The following GRIA3 variants were observed in gnomAD, a reference collection of about 807,000 sequenced individuals.
GRIA3 encodes the protein glutamate receptor 3.
In GRIA3, 3 loss-of-function variants were observed where a neutral mutation model predicts 63.0. That is an observed-to-expected ratio of 0.05 (90% CI 0.02 to 0.12). The LOEUF (loss-of-function observed/expected upper bound fraction) is 0.12. GRIA3 is among the 10% of genes least tolerant of loss of function. GRIA3 has a pLI of 1.00. For missense variants in GRIA3, 347 were observed against 700.9 expected, an observed-to-expected ratio of 0.50 and a Z score of 5.70; for synonymous variants, 274 against 257.9, an observed-to-expected ratio of 1.06 and a Z score of -0.60.
chrX:123,463,825 GAGAA>G (rs771257914), intron 12 of GRIA3, among the ~76,000 whole-genome samples: 1,209 of 109,207 alleles, frequency 0.011, 19 homozygotes, highest in African/African-American at 0.036. Flanking sequence ...GAAAAAGAAA[GAGAA>G]AGAAAGAAAG....
rs543707569 is a variant in GRIA3, at chrX:123,328,303, A to G, written c.696+2090A>G. Among the ~76,000 whole-genome samples, 71 of 112,075 alleles carry G rather than the reference A, an allele frequency of 6.3e-4. 1 individual carries two copies. The South Asian group carries it at 0.026, about 41-fold the overall frequency. ...TACAGAAAAAACAATCATTATTACT[A>G]GACACTTTCAGAAAAACTAAACTAG... On this transcript the variant is annotated intron_variant, in intron 4 of 15. Coordinates refer to ENST00000620443, the MANE Select transcript of GRIA3 (RefSeq NM_007325.5).
At chrX:123,236,850 C>T (rs2044304846) in intron 2 of GRIA3, among the ~76,000 whole-genome samples, 1 of 111,822 alleles carries the variant, frequency 8.9e-6, no homozygotes, top group Admixed American at 9.5e-5. Flanking sequence ...CCAAATTATA[C>T]TGAGTCTGAC....
intron 5 of GRIA3, among the ~76,000 whole-genome samples, chrX:123,377,320 G>A (rs767379351): frequency 8.9e-6 from 1 of 111,871 alleles, no homozygotes; most frequent in African/African-American, 3.2e-5. Context: ...TCCAGAGGCC[G>A]AAGTCTCTTT....
intron 11 of GRIA3, among the ~76,000 whole-genome samples, chrX:123,419,216 T>C (rs1278335024): frequency 9.0e-6 from 1 of 111,181 alleles, no homozygotes; most frequent in East Asian, 2.8e-4. Context: ...AAGACCAGCC[T>C]GGCCAACATG....
chrX:123,336,049 A>G (rs1319954713), intron 4 of GRIA3, among the ~76,000 whole-genome samples: 6 of 112,054 alleles, frequency 5.4e-5, no homozygotes, highest in Non-Finnish European at 9.4e-5. Flanking sequence ...TCTAGATTCT[A>G]ACAGATGCTG....
chrX:123,284,765 C>T lies in GRIA3; in HGVS notation c.508+31223C>T, dbSNP rs1230415180. On this transcript the variant is annotated intron_variant, in intron 3 of 15. Coordinates refer to ENST00000620443, the MANE Select transcript of GRIA3 (RefSeq NM_007325.5). ...ATGGGACTGTGTGAAAAGACTAAAC[C>T]GGCATTTGATTGGTGTACCTCAAAG... Among the ~76,000 whole-genome samples the T allele has an allele frequency of 8.1e-5, 9 of 111,385 alleles. No individual in the cohort carries two copies. In the South Asian group the frequency reaches 1.9e-3, roughly 23 times the overall value.
At chrX:123,356,262 C>T (rs923683408) in intron 5 of GRIA3, among the ~76,000 whole-genome samples, 2 of 110,344 alleles carry the variant, frequency 1.8e-5, no homozygotes, top group Non-Finnish European at 3.8e-5. Context: ...TTCTTTCCTT[C>T]CTTTCTGTTT....
Position 123,316,543 on chromosome X carries a change from T to A in GRIA3, c.509-9483T>A, listed in dbSNP as rs752788132. On this transcript the variant is annotated intron_variant, in intron 3 of 15. Coordinates refer to ENST00000620443, the MANE Select transcript of GRIA3 (RefSeq NM_007325.5). ...CAGTATTCCTACTTTGAGATATTAA[T>A]TCTATGAAAATAATTAGAGATGCTG... 8.0e-5 allele frequency among the ~76,000 whole-genome samples: 9 copies of A among 112,305 alleles called. No homozygotes were observed. The East Asian group carries it at 2.5e-3, about 31-fold the overall frequency.
intron 12 of GRIA3, among the ~76,000 whole-genome samples, chrX:123,436,558 C>T (rs748481304): frequency 2.7e-5 from 3 of 112,437 alleles, no homozygotes; most frequent in South Asian, 3.7e-4. Context: ...GGTGGCCTGC[C>T]GGCCATCTGC....
chrX:123,437,125 C>A (rs2045649173), intron 12 of GRIA3, among the ~76,000 whole-genome samples: 1 of 108,237 alleles, frequency 9.2e-6, no homozygotes, highest in South Asian at 4.1e-4. Flanking sequence ...TGATGTCCTG[C>A]AGTCAGATTC....
chrX:123,251,805 C>T (rs1302089887), intron 2 of GRIA3, among the ~76,000 whole-genome samples: 1 of 111,846 alleles, frequency 8.9e-6, no homozygotes, highest in African/African-American at 3.3e-5. Context: ...AAGTTGAAGA[C>T]TATTGTCTCC....
intron 5 of GRIA3, among the ~76,000 whole-genome samples, chrX:123,376,179 T>G (rs2045283809): frequency 8.9e-6 from 1 of 112,313 alleles, no homozygotes; most frequent in Non-Finnish European, 1.9e-5. Context: ...TTATGTTGTC[T>G]GAAGAATCTA....
At chrX:123,432,906 A>G (rs772620049) in intron 12 of GRIA3, among the ~76,000 whole-genome samples, 11 of 111,633 alleles carry the variant, frequency 9.9e-5, no homozygotes, top group Non-Finnish European at 1.9e-4. Context: ...CAGGGGGGAA[A>G]AATGCCACCC....
At chrX:123,417,935 A>G in intron 11 of GRIA3, 157 bp downstream of exon 11, 1 of 537,410 alleles carries the variant, frequency 1.9e-6, no homozygotes, top group Admixed American at 2.6e-5. Context: ...GCTTATGTCC[A>G]TGAAGTGAGT....
rs10521719 is a variant in GRIA3, at chrX:123,357,358, G to A, written c.750+2395G>A. On this transcript the variant is annotated intron_variant, in intron 5 of 15. Coordinates refer to ENST00000620443, the MANE Select transcript of GRIA3 (RefSeq NM_007325.5). ...CTATCTCATTTGGCCTACCATGACC[G>A]ATGATCTGTAAAGGCCTTTCCCATT... is the stretch of plus-strand genomic sequence containing the variant. 9.3e-3 allele frequency among the ~76,000 whole-genome samples: 1,014 copies of A among 109,286 alleles called. 13 individuals are homozygous for A. Among genetic ancestry groups the A allele is most frequent in the African/African-American group, 0.032 (961 of 30,064 alleles). The allele number at this position is 109,286 out of a possible 115,157, so 94.9% of individuals were successfully genotyped here. A position where few individuals can be genotyped will look rare whatever the true frequency, so the allele number is the denominator to read the frequency against.
chrX:123,241,141 GC>G (rs1330022552), intron 2 of GRIA3, among the ~76,000 whole-genome samples: 3 of 111,772 alleles, frequency 2.7e-5, no homozygotes, highest in Non-Finnish European at 5.6e-5. Context: ...GTCCTCTTCA[GC>G]ATTTTTGTCA....
At chrX:123,250,599 AT>A (rs2147281014) in intron 2 of GRIA3, among the ~76,000 whole-genome samples, 1 of 111,041 alleles carries the variant, frequency 9.0e-6, no homozygotes, top group African/African-American at 3.3e-5. Context: ...ATGGATCCTA[AT>A]TTTTCTTTTG....
chrX:123,462,940 G>A (rs958752797), intron 12 of GRIA3, among the ~76,000 whole-genome samples: 1 of 111,608 alleles, frequency 9.0e-6, no homozygotes, highest in African/African-American at 3.3e-5. Flanking sequence ...TTGAGTCATT[G>A]AGTCTACAAT....
At chrX:123,468,370 T>C (rs985558559) in intron 13 of GRIA3, among the ~76,000 whole-genome samples, 6 of 111,856 alleles carry the variant, frequency 5.4e-5, no homozygotes, top group Non-Finnish European at 1.1e-4. Flanking sequence ...TAATTTGTGA[T>C]AAACTAGACA....
Sources: allele counts gnomAD v4.1 joint callset (sites outside exome capture counted in the v4.1 genomes callset), GRCh38; gene constraint gnomAD v4.1.1; transcripts MANE v1.5; gene names NCBI Gene and HGNC (gene_info 2026-07-23, HGNC 2026-07-21).